Variants in UGT2B28 observed in about 807,000 individuals in gnomAD.
UGT2B28 encodes UDP glucuronosyltransferase family 2 member B28, also known as UDP-glucuronosyltransferase 2B28.
A neutral mutation model predicts 43.6 loss-of-function variants in UGT2B28; 45 were observed. The observed-to-expected ratio is 1.03, with a 90% CI of 0.81 to 1.32. UGT2B28 has a LOEUF of 1.32. UGT2B28 is among the 40% of genes most tolerant of loss of function. The probability of loss-of-function intolerance (pLI) is 0.00; values close to 1 mark genes in which losing one functional copy is unlikely to be tolerated. For missense variants in UGT2B28, 649 were observed against 625.5 expected, an observed-to-expected ratio of 1.04 and a Z score of -0.40; for synonymous variants, 204 against 208.1, an observed-to-expected ratio of 0.98 and a Z score of 0.17.
Position 69,283,001 on chromosome 4 carries a change from A to G in UGT2B28, c.870+339A>G, listed in dbSNP as rs1192883466. Among the ~76,000 whole-genome samples, 4 of 140,266 alleles carry G rather than the reference A, an allele frequency of 2.9e-5. 2 individuals are homozygous for G. Among genetic ancestry groups the G allele is most frequent in the African/African-American group, 1.1e-4 (4 of 35,916 alleles). The allele number at this position is 140,266 out of a possible 152,430, so 92.0% of individuals were successfully genotyped here. A position where few individuals can be genotyped will look rare whatever the true frequency, so the allele number is the denominator to read the frequency against. On this transcript the variant is annotated intron_variant, in intron 2 of 5. Transcript: ENST00000335568. ...ACAAGTAAGTGCAGAAATTTCAGAG[A>G]AAAAAAATAGACAGTTTCCGTCTGC...
rs865874622 is a variant in UGT2B28, at chr4:69,288,881, T to C, written c.1003-784T>C. Among the ~76,000 whole-genome samples the C allele has an allele frequency of 1.4e-5, 2 of 140,694 alleles. 1 individual carries two copies. Among genetic ancestry groups the C allele is most frequent in the South Asian group, 4.8e-4 (2 of 4,210 alleles). 92.3% of individuals were successfully genotyped at this position (140,694 alleles called of 152,430 possible). A position where few individuals can be genotyped will look rare whatever the true frequency, so the allele number is the denominator to read the frequency against. On this transcript the variant is annotated intron_variant, in intron 3 of 5. Transcript: ENST00000335568. ...ATTCCTGTTAGTTTCCTAAGGCTAATGGCCTCCAGCTCCATCCTTATCCCT... is the reference window on the plus strand; with the variant it reads ...ATTCCTGTTAGTTTCCTAAGGCTAACGGCCTCCAGCTCCATCCTTATCCCT...
chr4:69,294,541 A>G lies in UGT2B28; in HGVS notation c.1322A>G (p.Asn441Ser), dbSNP rs41292949. ...TVINDPSYKE[N>S]VMKLSIIQHD... ...TTTTTATCCTTCAGATATAAAGAGA[A>G]TGTTATGAAATTATCAATAATTCAA... Residue 441 changes from asparagine to serine, a missense_variant, in exon 6 of 6, where the codon AAT becomes AGT. By Grantham distance (46) the Asn-to-Ser change is conservative. Transcript: ENST00000335568. 1.9e-6 allele frequency: 3 copies of G among 1,541,830 alleles called. 1 individual carries two copies. The highest frequency in any genetic ancestry group is 1.8e-4 in the Middle Eastern group (1 of 5,474).
rs1362264872 is a variant in UGT2B28 at position 69,280,883 on chromosome 4, A to G, written c.383A>G (p.Lys128Arg). 9.0e-6 allele frequency: 14 copies of G among 1,558,030 alleles called. No individual in the cohort carries two copies. The highest frequency in any genetic ancestry group is 1.2e-5 in the Non-Finnish European group (14 of 1,155,232). ...EFHDIFRNFC[K>R]DVVSNKKVMK... ...CATGACATATTTAGAAACTTCTGTA[A>G]AGATGTAGTTTCAAATAAGAAAGTT... The change falls in exon 1 of 6, where the codon AAA becomes AGA. Residue 128 changes from lysine to arginine, a missense_variant. Physicochemically the swap from Lys to Arg is conservative, Grantham distance 26. Transcript: ENST00000335568.
intron 1 of UGT2B28, 51 bp from the exon 2 acceptor site, chr4:69,282,463 T>C (rs768711120): frequency 6.7e-7 from 1 of 1,502,668 alleles, no homozygotes; most frequent in Non-Finnish European, 8.8e-7. Flanking sequence ...GAAAGTTATG[T>C]AAAGTAATTA....
chr4:69,290,293 T>C (rs1174990572), intron 4 of UGT2B28, among the ~76,000 whole-genome samples: 4 of 139,784 alleles, frequency 2.9e-5, no homozygotes, highest in African/African-American at 5.6e-5. Flanking sequence ...AAAATAAAAC[T>C]TTATTTCATG....
rs923974472 is a variant in UGT2B28 at position 69,286,033 on chromosome 4, A to G, written c.871-719A>G. On this transcript the variant is annotated intron_variant, in intron 2 of 5. Coordinates refer to ENST00000335568, the MANE Select transcript of UGT2B28 (RefSeq NM_053039.2). ...AGGTACAATTATTCAACAACTAACT[A>G]TAAACTCTACAATTCTGTATGATAA... is the stretch of plus-strand genomic sequence containing the variant. 8.5e-5 allele frequency among the ~76,000 whole-genome samples: 12 copies of G among 141,618 alleles called. 2 individuals are homozygous for G. The Middle Eastern group carries it at 0.011, about 127-fold the overall frequency. 92.9% of individuals were successfully genotyped at this position (141,618 alleles called of 152,430 possible).
intron 3 of UGT2B28, among the ~76,000 whole-genome samples, chr4:69,288,639 C>T: frequency 7.2e-6 from 1 of 139,000 alleles, no homozygotes; most frequent in East Asian, 2.0e-4. Context: ...AGGTTTTTTA[C>T]ATAGGTAAAC....
Position 69,294,341 on chromosome 4 carries a change from G to A in UGT2B28, c.1311-189G>A, listed in dbSNP as rs577070386. 1.4e-5 allele frequency among the ~76,000 whole-genome samples: 2 copies of A among 138,164 alleles called. 1 individual carries two copies. The highest frequency in any genetic ancestry group is 5.0e-4 in the South Asian group (2 of 4,018). The allele number at this position is 138,164 out of a possible 152,430, so 90.6% of individuals were successfully genotyped here. A position where few individuals can be genotyped will look rare whatever the true frequency, so the allele number is the denominator to read the frequency against. The stretch of plus-strand genomic sequence containing the variant: ...TTCCATTTCTGCTTTAAAAATGTTT[G>A]TCAATGAGAAAAGTCCAATTTAAAA... On this transcript the variant is annotated intron_variant, in intron 5 of 5. Coordinates refer to ENST00000335568, the MANE Select transcript of UGT2B28 (RefSeq NM_053039.2).
rs1452146533 is a variant in UGT2B28 at position 69,292,031 on chromosome 4, A to G, written c.1310+1220A>G. Among the ~76,000 whole-genome samples the G allele has an allele frequency of 2.1e-5, 3 of 140,360 alleles. 1 individual carries two copies. The highest frequency in any genetic ancestry group is 1.5e-5 in the Non-Finnish European group (1 of 65,702). The allele number at this position is 140,360 out of a possible 152,430, so 92.1% of individuals were successfully genotyped here. A position where few individuals can be genotyped will look rare whatever the true frequency, so the allele number is the denominator to read the frequency against. ...ATATATCTTCTTAGAAAACATGTCT[A>G]TTCCAACGCTTGGAACATTTTTAAC... is the stretch of plus-strand genomic sequence containing the variant. On this transcript the variant is annotated intron_variant, in intron 5 of 5. Coordinates refer to ENST00000335568, the MANE Select transcript of UGT2B28 (RefSeq NM_053039.2).
intron 2 of UGT2B28, among the ~76,000 whole-genome samples, chr4:69,284,280 A>C (rs1442628427): frequency 7.1e-6 from 1 of 140,680 alleles, no homozygotes; most frequent in African/African-American, 2.8e-5. Context: ...TTCTGTCAGC[A>C]TATAAGATTA....
chr4:69,293,491 A>G (rs1408955608), intron 5 of UGT2B28, among the ~76,000 whole-genome samples: 1 of 140,544 alleles, frequency 7.1e-6, no homozygotes, highest in African/African-American at 2.8e-5. Context: ...ATAGAAAATA[A>G]GCACAGAAAA....
At chr4:69,293,409 A>G (rs1162141665) in intron 5 of UGT2B28, among the ~76,000 whole-genome samples, 1 of 140,670 alleles carries the variant, frequency 7.1e-6, no homozygotes, top group East Asian at 2.0e-4. Flanking sequence ...ATGTATATTT[A>G]TCTTTTGTGT....
At position 69,285,976 on chromosome 4, in the gene UGT2B28, C is replaced by T. The variant is rs1323699072; in HGVS notation, c.871-776C>T. Among the ~76,000 whole-genome samples the T allele has an allele frequency of 2.8e-5, 4 of 140,612 alleles. 2 individuals carry two copies. Among genetic ancestry groups the T allele is most frequent in the Admixed American group, 1.4e-4 (2 of 14,084 alleles). 92.2% of individuals were successfully genotyped at this position (140,612 alleles called of 152,430 possible). On this transcript the variant is annotated intron_variant, in intron 2 of 5. Coordinates refer to ENST00000335568, the MANE Select transcript of UGT2B28 (RefSeq NM_053039.2). The stretch of plus-strand genomic sequence containing the variant: ...TCAATTTAACAGTGGGATTTCAGGG[C>T]AATAGGTGCTCCACCTAAACAATAA...
In UGT2B28 at chr4:69,288,741, T is replaced by G. The variant is rs1342758017; in HGVS notation, c.1003-924T>G. Among the ~76,000 whole-genome samples the G allele has an allele frequency of 7.2e-5, 10 of 138,936 alleles. 2 individuals carry two copies. Among genetic ancestry groups the G allele is most frequent in the Admixed American group, 7.3e-5 (1 of 13,776 alleles). 91.1% of individuals were successfully genotyped at this position (138,936 alleles called of 152,430 possible). On this transcript the variant is annotated intron_variant, in intron 3 of 5. Transcript: ENST00000335568. ...TTATTTTTCCTGATCCTCTCTTTCC[T>G]CCCACCCTCCACCATCCTATACATC... is the stretch of plus-strand genomic sequence containing the variant.
At chr4:69,286,531 C>T (rs564739799) in intron 2 of UGT2B28, among the ~76,000 whole-genome samples, 1 of 134,202 alleles carries the variant, frequency 7.5e-6, no homozygotes, top group Non-Finnish European at 1.6e-5. Context: ...AGACACATAC[C>T]TACATAAACA....
At chr4:69,288,839 G>A (rs1247094014) in intron 3 of UGT2B28, among the ~76,000 whole-genome samples, 3 of 140,386 alleles carry the variant, frequency 2.1e-5, no homozygotes, top group Non-Finnish European at 3.0e-5. Flanking sequence ...GTGAGGACAT[G>A]TCACATTTGG....
chr4:69,281,443 A>G (rs1346522995), intron 1 of UGT2B28, among the ~76,000 whole-genome samples: 1 of 140,780 alleles, frequency 7.1e-6, no homozygotes. Context: ...ACACCCCAGG[A>G]AATCATAAAC....
chr4:69,294,469 T>A, intron 5 of UGT2B28, 61 bp from the exon 6 acceptor site: 1 of 1,390,644 alleles, frequency 7.2e-7, no homozygotes. Context: ...TTTCATAGAC[T>A]TGATACATAC....
At chr4:69,282,286 GCTTAA>G (rs1560563805) in intron 1 of UGT2B28, among the ~76,000 whole-genome samples, 1 of 139,404 alleles carries the variant, frequency 7.2e-6, no homozygotes. Context: ...TAGAGATGTC[GCTTAA>G]CTTCATAATT....
Sources: gnomAD v4.1 joint callset for allele counts (sites outside exome capture counted in the v4.1 genomes callset) on GRCh38, gnomAD v4.1.1 for gene constraint, MANE v1.5 for transcripts, NCBI Gene and HGNC (gene_info 2026-07-23, HGNC 2026-07-21) for gene names.